TTC28: variants seen among roughly 807,000 people sequenced by gnomAD.
TTC28 encodes tetratricopeptide repeat protein 28.
In TTC28, 61 loss-of-function variants were observed where a neutral mutation model predicts 198.0. That is an observed-to-expected ratio of 0.31 (90% CI 0.25 to 0.38). The LOEUF (loss-of-function observed/expected upper bound fraction) is 0.38. Among genes scored for constraint, TTC28 ranks in the 10% least tolerant of loss-of-function variants. The pLI is 1.00. For synonymous variants in TTC28, 1,171 were observed against 1,297.8 expected (o/e 0.90, Z 2.10); for missense variants, 2,678 against 3,164.0 (o/e 0.85, Z 3.69).
chr22:28,313,105 A>C (rs921587440), intron 2 of TTC28, among the ~76,000 whole-genome samples: 1 of 152,198 alleles, frequency 6.6e-6, no homozygotes, highest in Non-Finnish European at 1.5e-5. Context: ...TAAACTAGAA[A>C]ATCTAGAAGA....
intron 2 of TTC28, among the ~76,000 whole-genome samples, chr22:28,361,498 G>T (rs1601688688): frequency 6.6e-6 from 1 of 152,232 alleles, no homozygotes; most frequent in African/African-American, 2.4e-5. Flanking sequence ...AGCTGCAGAA[G>T]AAAAGTTAAA....
intron 12 of TTC28, among the ~76,000 whole-genome samples, chr22:28,034,763 G>C (rs113579441): frequency 0.024 from 3,583 of 152,304 alleles, 46 homozygotes; most frequent in Non-Finnish European, 0.03. Flanking sequence ...TGAGAGGGGA[G>C]CTGGAGAGAG....
intron 1 of TTC28, among the ~76,000 whole-genome samples, chr22:28,652,806 G>C (rs1230656134): frequency 6.6e-6 from 1 of 152,142 alleles, no homozygotes; most frequent in African/African-American, 2.4e-5. Flanking sequence ...ACCAGGTTAA[G>C]CATCTCAATA....
rs1449725956 is a variant in TTC28, at chr22:28,280,975, G to C, written c.933+15223C>G. On this transcript the variant is annotated intron_variant, in intron 5 of 22. Coordinates refer to ENST00000397906, the MANE Select transcript of TTC28 (RefSeq NM_001145418.2). ...GAAATAGGCCATCATCTGTATTATT[G>C]CTCCCCCTCTATCTAATGTGTCATT... is the stretch of plus-strand genomic sequence containing the variant. Among the ~76,000 whole-genome samples, 3 of 151,428 alleles carry C rather than the reference G, an allele frequency of 2.0e-5. No individual in the cohort carries two copies. In the East Asian group the frequency reaches 5.8e-4, roughly 29 times the overall value.
At chr22:28,087,998 C>G (rs1796961762) in intron 12 of TTC28, among the ~76,000 whole-genome samples, 1 of 152,050 alleles carries the variant, frequency 6.6e-6, no homozygotes, top group Non-Finnish European at 1.5e-5. Flanking sequence ...AACCACTGCT[C>G]AATGAAATAA....
At chr22:28,075,684 G>A (rs774860213) in intron 12 of TTC28, among the ~76,000 whole-genome samples, 18 of 152,174 alleles carry the variant, frequency 1.2e-4, no homozygotes, top group Non-Finnish European at 2.5e-4. Flanking sequence ...GAATGTCTGG[G>A]CCCTTTCTTT....
chr22:28,022,467 C>T (rs549209687), intron 13 of TTC28, among the ~76,000 whole-genome samples: 1 of 152,364 alleles, frequency 6.6e-6, no homozygotes, highest in Admixed American at 6.5e-5. Flanking sequence ...GGTCAGGCTG[C>T]CCTGGGGGGA....
chr22:28,287,910 A>G (rs1262706069), intron 5 of TTC28, among the ~76,000 whole-genome samples: 1 of 152,154 alleles, frequency 6.6e-6, no homozygotes, highest in Non-Finnish European at 1.5e-5. Flanking sequence ...ATATACCCCC[A>G]TGTGACAAGA....
intron 2 of TTC28, among the ~76,000 whole-genome samples, chr22:28,349,304 G>A (rs947962605): frequency 6.6e-6 from 1 of 152,166 alleles, no homozygotes; most frequent in African/African-American, 2.4e-5. Context: ...AGAAACAGAT[G>A]AAATTGTTAT....
chr22:28,390,024 G>A (rs1308298431), intron 2 of TTC28, among the ~76,000 whole-genome samples: 1 of 150,356 alleles, frequency 6.7e-6, no homozygotes, highest in Non-Finnish European at 1.5e-5. Flanking sequence ...ATGTGTCCCA[G>A]AGATTCTGGT....
intron 2 of TTC28, among the ~76,000 whole-genome samples, chr22:28,570,606 A>G (rs2050044615): frequency 6.6e-6 from 1 of 152,202 alleles, no homozygotes; most frequent in South Asian, 2.1e-4. Context: ...TGCTATGTTT[A>G]TTACCTAGGT....
intron 2 of TTC28, among the ~76,000 whole-genome samples, chr22:28,386,900 T>C (rs1327195470): frequency 2.6e-5 from 4 of 152,146 alleles, no homozygotes; most frequent in African/African-American, 9.7e-5. Context: ...TGTGCAGGTT[T>C]GTTACATATG....
chr22:28,290,327 T>G (rs57647002), intron 5 of TTC28, among the ~76,000 whole-genome samples: 1,673 of 152,218 alleles, frequency 0.011, 28 homozygotes, highest in African/African-American at 0.039. Flanking sequence ...AAATCTGTAT[T>G]GACTGAACTT....
In TTC28 at chr22:27,998,640, G is replaced by T; in HGVS notation, c.5019C>A (p.Tyr1673Ter). ...AASKMFIHAFYSSLLNGLKAS... is the reference protein window; with the variant it reads ...AASKMFIHAF ...CTTTCAGGCCGTTCAGCAGGGATGA[G>T]TAGAAGGCATGGATGAACATCTTAG... is the stretch of plus-strand genomic sequence containing the variant. The change falls in exon 16 of 23, where the codon TAC becomes TAA. Residue 1673 changes from tyrosine (Y) to a stop codon, truncating the protein, a stop_gained. Coordinates refer to ENST00000397906, the MANE Select transcript of TTC28 (RefSeq NM_001145418.2). LOFTEE classifies it high-confidence loss of function. The T allele has an allele frequency of 6.4e-7, 1 of 1,550,868 alleles. No individual in the cohort carries two copies. Among genetic ancestry groups the T allele is most frequent in the Non-Finnish European group, 8.7e-7 (1 of 1,147,008 alleles).
chr22:28,202,924 C>A (rs1926097081), intron 5 of TTC28, among the ~76,000 whole-genome samples: 1 of 151,954 alleles, frequency 6.6e-6, no homozygotes, highest in African/African-American at 2.4e-5. Flanking sequence ...ACTACGGATA[C>A]AGTTTATTCC....
At chr22:28,171,903 G>A (rs538504715) in intron 5 of TTC28, among the ~76,000 whole-genome samples, 4 of 152,216 alleles carry the variant, frequency 2.6e-5, no homozygotes, top group South Asian at 2.1e-4. Flanking sequence ...TTGGGGCTGA[G>A]GTTAGGACTT....
chr22:28,405,318 G>T (rs1041138871), intron 2 of TTC28, among the ~76,000 whole-genome samples: 2 of 152,048 alleles, frequency 1.3e-5, no homozygotes, highest in Non-Finnish European at 2.9e-5. Flanking sequence ...ATTTCTATTT[G>T]TCATTCACTC....
At chr22:28,451,201 T>G (rs2047773366) in intron 2 of TTC28, among the ~76,000 whole-genome samples, 1 of 152,188 alleles carries the variant, frequency 6.6e-6, no homozygotes, top group African/African-American at 2.4e-5. Context: ...ACTGCAAGAC[T>G]TCCAAGTGTC....
intron 14 of TTC28, chr22:28,002,532 A>AC (rs1419090109): frequency 1.3e-5 from 2 of 151,844 alleles, no homozygotes; most frequent in Non-Finnish European, 2.9e-5. Context: ...CTTGACTGAG[A>AC]GTGGCAGAGC....
Sources: allele counts gnomAD v4.1 joint callset (sites outside exome capture counted in the v4.1 genomes callset), GRCh38; gene constraint gnomAD v4.1.1; transcripts MANE v1.5; gene names NCBI Gene and HGNC (gene_info 2026-07-23, HGNC 2026-07-21).